The following TMEM50A variants were observed in gnomAD, a reference collection of about 807,000 sequenced individuals.
TMEM50A encodes the protein cervical cancer oncogene 9.
TMEM50A carries 8 observed loss-of-function variants against 23.9 expected under a neutral mutation model. That is an observed-to-expected ratio of 0.33 (90% CI 0.20 to 0.60). The LOEUF is 0.60. Among genes scored for constraint, TMEM50A ranks in the 20% least tolerant of loss-of-function variants. The pLI is 0.81. For missense variants in TMEM50A, 178 were observed against 192.7 expected (o/e 0.92, Z 0.45); for synonymous variants, 55 against 60.4 (o/e 0.91, Z 0.41).
At chr1:25,340,444 T>C (rs1645155557) in intron 1 of TMEM50A, 30 bp from the exon 2 acceptor site, 1 of 1,503,786 alleles carries the variant, frequency 6.6e-7, no homozygotes, top group African/African-American at 1.4e-5. Context: ...TGGAAGTACT[T>C]ATTTAATTGT....
Position 25,350,978 on chromosome 1 carries a change from G to A in TMEM50A, c.207-648G>A, listed in dbSNP as rs535152715. On this transcript the variant is annotated intron_variant, in intron 3 of 6. Coordinates refer to ENST00000374358, the MANE Select transcript of TMEM50A (RefSeq NM_014313.4). ...AGTTCGAGACCATCCTGGCTAACAC[G>A]GTGAAACCCCATCTCTACTAAAAAT... Among the ~76,000 whole-genome samples the A allele has an allele frequency of 4.5e-4, 68 of 151,598 alleles. 1 individual carries two copies. The highest frequency in any genetic ancestry group is 1.4e-3 in the African/African-American group (59 of 41,356).
chr1:25,356,210 C>CA (rs1256735314), intron 5 of TMEM50A, among the ~76,000 whole-genome samples: 1 of 152,192 alleles, frequency 6.6e-6, no homozygotes, highest in East Asian at 1.9e-4. Flanking sequence ...TCGTCTCACT[C>CA]AGAGTAAAAA....
intron 6 of TMEM50A, among the ~76,000 whole-genome samples, chr1:25,358,688 A>G (rs188528009): frequency 2.0e-3 from 310 of 152,320 alleles, no homozygotes; most frequent in African/African-American, 5.5e-3. Flanking sequence ...AACCCCAGGT[A>G]ATTTTGACAG....
chr1:25,343,133 A>C (rs1455518379), intron 3 of TMEM50A, 60 bp downstream of exon 3: 1 of 1,309,064 alleles, frequency 7.6e-7, no homozygotes, highest in African/African-American at 1.5e-5. Flanking sequence ...AAATGTTTCA[A>C]ATATAGTTGC....
intron 5 of TMEM50A, among the ~76,000 whole-genome samples, chr1:25,355,090 G>A (rs929949230): frequency 6.6e-6 from 1 of 151,856 alleles, no homozygotes; most frequent in East Asian, 1.9e-4. Flanking sequence ...ATTTTAAAAT[G>A]TATATATTTT....
chr1:25,345,462 C>T (rs1645204622), intron 3 of TMEM50A, among the ~76,000 whole-genome samples: 1 of 152,186 alleles, frequency 6.6e-6, no homozygotes, highest in Non-Finnish European at 1.5e-5. Flanking sequence ...TGACTGTGGT[C>T]CCAGCTACTC....
intron 5 of TMEM50A, 30 bp downstream of exon 5, chr1:25,353,004 T>C (rs1476538293): frequency 1.3e-6 from 2 of 1,573,846 alleles, no homozygotes; most frequent in Middle Eastern, 1.7e-4. Flanking sequence ...ACAATTTACT[T>C]CAGTGGAATA....
At chr1:25,348,891 G>T (rs1645248688) in intron 3 of TMEM50A, among the ~76,000 whole-genome samples, 1 of 152,014 alleles carries the variant, frequency 6.6e-6, no homozygotes, top group South Asian at 2.1e-4. Flanking sequence ...AAACTATTAG[G>T]TGAGGTCAAG....
intron 3 of TMEM50A, among the ~76,000 whole-genome samples, chr1:25,349,688 T>C (rs3093608): frequency 0.079 from 11,980 of 152,222 alleles, 1,498 homozygotes; most frequent in African/African-American, 0.27. Context: ...GTCCCGGGCT[T>C]AAGCAATCCT....
chr1:25,346,973 C>T (rs1340573045), intron 3 of TMEM50A, among the ~76,000 whole-genome samples: 4 of 152,152 alleles, frequency 2.6e-5, no homozygotes, highest in Non-Finnish European at 5.9e-5. Flanking sequence ...GAGCCAAGAT[C>T]ACGGCACTGG....
At chr1:25,347,647 A>G (rs560323316) in intron 3 of TMEM50A, among the ~76,000 whole-genome samples, 2 of 152,348 alleles carry the variant, frequency 1.3e-5, no homozygotes, top group African/African-American at 4.8e-5. Context: ...CTTAAGTGTA[A>G]ACACAGTAAC....
chr1:25,355,754 C>T (rs528637487), intron 5 of TMEM50A, among the ~76,000 whole-genome samples: 3 of 152,300 alleles, frequency 2.0e-5, no homozygotes, highest in African/African-American at 4.8e-5. Context: ...CAGTCATTAA[C>T]AATTCCAGTA....
intron 5 of TMEM50A, among the ~76,000 whole-genome samples, chr1:25,354,096 A>G (rs139871161): frequency 6.6e-6 from 1 of 152,122 alleles, no homozygotes; most frequent in East Asian, 1.9e-4. Flanking sequence ...GGCTCAAGCA[A>G]TCCTCCCACT....
rs552331090 is a variant in TMEM50A, at chr1:25,351,725, A to G, written c.274+32A>G. 3 of 1,581,340 alleles carry G rather than the reference A, an allele frequency of 1.9e-6. 1 individual carries two copies. The South Asian group carries it at 3.4e-5, about 18-fold the overall frequency. On this transcript the variant is annotated intron_variant, in intron 4 of 6. Coordinates refer to ENST00000374358, the MANE Select transcript of TMEM50A (RefSeq NM_014313.4). ...AGGTGCAAACAGCATCTTATTATAC[A>G]TGCTTAAATCCTTAAGATGAGTATT...
intron 2 of TMEM50A, among the ~76,000 whole-genome samples, chr1:25,341,818 C>T (rs749774855): frequency 1.3e-4 from 20 of 152,210 alleles, no homozygotes; most frequent in Non-Finnish European, 2.6e-4. Flanking sequence ...CCTCAGCCTC[C>T]GGAGTAGCCT....
chr1:25,339,560 CTTGATT>C, intron 1 of TMEM50A, among the ~76,000 whole-genome samples: 1 of 152,148 alleles, frequency 6.6e-6, no homozygotes, highest in East Asian at 1.9e-4. Context: ...TGTTTAATTT[CTTGATT>C]TAGGTGTGAA....
rs1463488385 is a variant in TMEM50A at position 25,362,360 on chromosome 1, A to G, written c.*1655A>G. Reference sequence around the variant, plus strand: ...AACTTATTAAATTGACTCTTAAACTAAGTTTTTAGTCTTTAATTTTTTAAT... The same window carrying G: ...AACTTATTAAATTGACTCTTAAACTGAGTTTTTAGTCTTTAATTTTTTAAT... On this transcript the variant is annotated 3_prime_UTR_variant, in exon 7 of 7. Coordinates refer to ENST00000374358, the MANE Select transcript of TMEM50A (RefSeq NM_014313.4). The G allele has an allele frequency of 8.2e-6, 12 of 1,470,362 alleles. No individual in the cohort carries two copies. The highest frequency in any genetic ancestry group is 1.0e-5 in the Non-Finnish European group (11 of 1,078,844). 91.1% of individuals were successfully genotyped at this position (1,470,362 alleles called of 1,614,324 possible). A position where few individuals can be genotyped will look rare whatever the true frequency, so the allele number is the denominator to read the frequency against.
At chr1:25,345,768 A>G (rs1002539049) in intron 3 of TMEM50A, among the ~76,000 whole-genome samples, 2 of 151,104 alleles carry the variant, frequency 1.3e-5, no homozygotes, top group Non-Finnish European at 2.9e-5. Flanking sequence ...AGAAAAAAGT[A>G]TTTATTTTAG....
Position 25,351,683 on chromosome 1 carries a change from G to C in TMEM50A, c.264G>C (p.Leu88=). ...GTGATAGTTACAGTGAAGGTTGTCT[G>C]GGTCAAACAGGTAAATAGGTGCAAA... ...VRGDSYSEGC[L]GQTGARIWLF... Residue 88 remains leucine, a synonymous_variant, in exon 4 of 7, where the codon CTG becomes CTC. Transcript: ENST00000374358. 6.2e-7 allele frequency: 1 copy of C among 1,613,234 alleles called. No homozygotes were observed. The highest frequency in any genetic ancestry group is 8.5e-7 in the Non-Finnish European group (1 of 1,179,734).
Sources: allele counts gnomAD v4.1 joint callset (sites outside exome capture counted in the v4.1 genomes callset), GRCh38; gene constraint gnomAD v4.1.1; transcripts MANE v1.5; gene names NCBI Gene and HGNC (gene_info 2026-07-23, HGNC 2026-07-21).